Variants in IQCK observed in about 807,000 individuals in gnomAD.
IQCK encodes the protein IQ domain-containing protein K.
In IQCK, 29 loss-of-function variants were observed where a neutral mutation model predicts 28.1. The ratio of observed to expected loss-of-function variants is 1.03; its 90% CI spans 0.77 to 1.41. The LOEUF is 1.41. Ranked by LOEUF, IQCK falls within the 40% of genes most tolerant of loss-of-function variation. The pLI is 0.00. For missense variants in IQCK, 359 were observed against 314.7 expected, an observed-to-expected ratio of 1.14 and a Z score of -1.07; for synonymous variants, 113 against 115.1, an observed-to-expected ratio of 0.98 and a Z score of 0.12.
chr16:19,830,072 G>A (rs2056211196), downstream of IQCK, among the ~76,000 whole-genome samples: 1 of 152,168 alleles, frequency 6.6e-6, no homozygotes, highest in Non-Finnish European at 1.5e-5. Context: ...GTTTAAATGA[G>A]TCAATAAACA....
chr16:19,834,719 T>C (rs1448481868), intron 9 of IQCK, among the ~76,000 whole-genome samples: 1 of 152,142 alleles, frequency 6.6e-6, no homozygotes, highest in Admixed American at 6.6e-5. Flanking sequence ...AAGAATATTC[T>C]TTTCTCCCTC....
chr16:19,822,123 T>G lies in IQCK; in HGVS notation c.691-4903T>G, dbSNP rs1297741673. Among the ~76,000 whole-genome samples, 4 of 140,436 alleles carry G rather than the reference T, an allele frequency of 2.8e-5. No individual in the cohort carries two copies. The East Asian group carries it at 8.5e-4, about 30-fold the overall frequency. The allele number at this position is 140,436 out of a possible 152,430, so 92.1% of individuals were successfully genotyped here. A position where few individuals can be genotyped will look rare whatever the true frequency, so the allele number is the denominator to read the frequency against. ...AAAAAAAACGGCCAAGTGAGGTGGC[T>G]CACGCAGTAATCCCCGCACTTTGGG... is the stretch of plus-strand genomic sequence containing the variant. On this transcript the variant is annotated intron_variant, in intron 7 of 7. Coordinates refer to ENST00000564186, the Ensembl canonical transcript of IQCK.
downstream of IQCK, among the ~76,000 whole-genome samples, chr16:19,831,521 G>C (rs1181048269): frequency 6.6e-6 from 1 of 152,038 alleles, no homozygotes; most frequent in Admixed American, 6.6e-5. Context: ...CCCCAGCCAA[G>C]GTGACACCTC....
intron 4 of IQCK, chr16:19,735,788 C>A (rs911357774): frequency 5.3e-5 from 18 of 340,716 alleles, no homozygotes; most frequent in Non-Finnish European, 9.5e-5. Flanking sequence ...CTTGGCCGGG[C>A]ACGGTGGCCC....
intron 7 of IQCK, among the ~76,000 whole-genome samples, chr16:19,817,569 A>G (rs986102384): frequency 2.6e-5 from 4 of 152,178 alleles, no homozygotes; most frequent in Admixed American, 6.5e-5. Flanking sequence ...GCAGAACCCT[A>G]TGAACAACTG....
intron 7 of IQCK, among the ~76,000 whole-genome samples, chr16:19,804,618 T>A (rs566989019): frequency 6.6e-6 from 1 of 152,060 alleles, no homozygotes; most frequent in South Asian, 2.1e-4. Context: ...TGTATTTTTT[T>A]AGAGACGAGT....
Position 19,802,646 on chromosome 16 carries a change from T to C in IQCK, c.690+13724T>C, listed in dbSNP as rs1407257293. Among the ~76,000 whole-genome samples, 4 of 150,298 alleles carry C rather than the reference T, an allele frequency of 2.7e-5. No individual in the cohort carries two copies. In the East Asian group the frequency reaches 7.8e-4, roughly 29 times the overall value. ...CCAACTAATGCCCTCCTTTAAGTTC[T>C]TCAAAGGCACAAAGCAGGCTCCCAT... On this transcript the variant is annotated intron_variant, in intron 7 of 7. Coordinates refer to ENST00000564186, the Ensembl canonical transcript of IQCK.
At chr16:19,839,144 A>AATTTATTT (rs147206898) in intron 9 of IQCK, among the ~76,000 whole-genome samples, 13 of 148,934 alleles carry the variant, frequency 8.7e-5, no homozygotes, top group Admixed American at 2.7e-4. Flanking sequence ...GAACTGAGAA[A>AATTTATTT]ATTTATTTAT....
rs867661821 is a variant in IQCK, at chr16:19,799,638, A to C, written c.690+10716A>C. ...CACACACACACACACACACACACAC[A>C]CACCCAGTGAATACATTGAGTCATA... On this transcript the variant is annotated intron_variant, in intron 7 of 7. Transcript: ENST00000564186. Among the ~76,000 whole-genome samples the C allele has an allele frequency of 3.5e-4, 44 of 126,028 alleles. 3 individuals carry two copies. Among genetic ancestry groups the C allele is most frequent in the African/African-American group, 1.7e-3 (38 of 21,962 alleles). The allele number at this position is 126,028 out of a possible 152,430, so 82.7% of individuals were successfully genotyped here.
rs1021021337 is a variant in IQCK, at chr16:19,721,589, T to A, written c.181+3102T>A. Among the ~76,000 whole-genome samples, 3 of 73,500 alleles carry A rather than the reference T, an allele frequency of 4.1e-5. No individual in the cohort carries two copies. The African/African-American group carries it at 1.0e-3, about 25-fold the overall frequency. 48.2% of individuals were successfully genotyped at this position (73,500 alleles called of 152,430 possible). On this transcript the variant is annotated intron_variant, in intron 1 of 7. Transcript: ENST00000564186. ...AGGATGTGGGGCTTAACAGTTTCCT[T>A]TTTTTTTTTTTTTTGAGATGAAGTC... is the stretch of plus-strand genomic sequence containing the variant.
At chr16:19,849,104 T>C (rs2056448178) in intron 9 of IQCK, among the ~76,000 whole-genome samples, 1 of 152,132 alleles carries the variant, frequency 6.6e-6, no homozygotes, top group African/African-American at 2.4e-5. Flanking sequence ...TGTTTAGGTG[T>C]TGATTACCCT....
intron 4 of IQCK, among the ~76,000 whole-genome samples, chr16:19,738,238 C>A (rs1216889139): frequency 6.6e-6 from 1 of 152,160 alleles, no homozygotes; most frequent in African/African-American, 2.4e-5. Flanking sequence ...CAGGGAATGT[C>A]ACTATTACTA....
chr16:19,832,859 A>C (rs1262185185), intron 9 of IQCK, among the ~76,000 whole-genome samples: 1 of 152,112 alleles, frequency 6.6e-6, no homozygotes, highest in East Asian at 1.9e-4. Flanking sequence ...GAACTGTCAA[A>C]CATAAACCAT....
chr16:19,841,103 A>G (rs2056358231), intron 9 of IQCK, among the ~76,000 whole-genome samples: 1 of 152,206 alleles, frequency 6.6e-6, no homozygotes. Flanking sequence ...CTTTTAAATT[A>G]TCTTTTTAAA....
At chr16:19,836,592 C>T (rs2056300510) in intron 9 of IQCK, among the ~76,000 whole-genome samples, 1 of 152,212 alleles carries the variant, frequency 6.6e-6, no homozygotes, top group Non-Finnish European at 1.5e-5. Flanking sequence ...CGGCTCACTG[C>T]AACCTCCGCC....
intron 7 of IQCK, among the ~76,000 whole-genome samples, chr16:19,819,945 G>A (rs7187415): frequency 0.12 from 18,530 of 151,870 alleles, 2,019 homozygotes; most frequent in African/African-American, 0.26. Context: ...ATACCTCTGT[G>A]GTCAATTGAT....
At chr16:19,832,073 C>T (rs1478601759), downstream of IQCK, among the ~76,000 whole-genome samples, 2 of 151,448 alleles carry the variant, frequency 1.3e-5, no homozygotes, top group African/African-American at 2.4e-5. Context: ...TATCGTGTCT[C>T]GATTAATAGC....
chr16:19,847,079 T>C (rs2141118736), intron 9 of IQCK, among the ~76,000 whole-genome samples: 1 of 152,260 alleles, frequency 6.6e-6, no homozygotes, highest in South Asian at 2.1e-4. Context: ...TGAGCCTCAA[T>C]TTCTCAGTCA....
At chr16:19,854,226 A>T (rs1236041739) in intron 9 of IQCK, among the ~76,000 whole-genome samples, 2 of 152,238 alleles carry the variant, frequency 1.3e-5, no homozygotes, top group African/African-American at 4.8e-5. Flanking sequence ...CCAGGGTAGA[A>T]AACCAGTAAT....
Sources: gnomAD v4.1 joint callset for allele counts (sites outside exome capture counted in the v4.1 genomes callset) on GRCh38, gnomAD v4.1.1 for gene constraint, MANE v1.5 for transcripts, NCBI Gene and HGNC (gene_info 2026-07-23, HGNC 2026-07-21) for gene names.